The following MGAT4D variants were observed in gnomAD, a reference collection of about 807,000 sequenced individuals.
MGAT4D encodes alpha-1,3-mannosyl-glycoprotein 4-beta-N-acetylglucosaminyltransferase-like protein MGAT4D.
MGAT4D carries 34 observed loss-of-function variants against 15.9 expected under a neutral mutation model. The ratio of observed to expected loss-of-function variants is 2.14; its 90% confidence interval spans 1.62 to 2.84. The LOEUF (loss-of-function observed/expected upper bound fraction) is 2.84. Among genes scored for constraint, MGAT4D ranks in the 30% most tolerant of loss-of-function variants. The pLI is 0.00. For synonymous variants in MGAT4D, 112 were observed against 48.2 expected (o/e 2.33, Z -5.49); for missense variants, 327 against 140.2 (o/e 2.33, Z -6.73).
At chr4:140,447,017 A>T (rs1343812276) in intron 10 of MGAT4D, among the ~76,000 whole-genome samples, 7 of 151,420 alleles carry the variant, frequency 4.6e-5, no homozygotes, top group African/African-American at 1.7e-4. Context: ...TATGGTTTTG[A>T]GCAATTTTCT....
At chr4:140,481,060 C>A (rs1451773642) in intron 2 of MGAT4D, among the ~76,000 whole-genome samples, 1 of 152,152 alleles carries the variant, frequency 6.6e-6, no homozygotes, top group African/African-American at 2.4e-5. Context: ...GTAATTCCAG[C>A]ACTTTGGAAG....
chr4:140,473,913 G>T (rs1458477182), intron 4 of MGAT4D, among the ~76,000 whole-genome samples: 1 of 151,738 alleles, frequency 6.6e-6, no homozygotes, highest in Non-Finnish European at 1.5e-5. Flanking sequence ...TGTTGCCCAG[G>T]CTGATTTCAG....
intron 5 of MGAT4D, among the ~76,000 whole-genome samples, chr4:140,465,973 T>C (rs990935143): frequency 6.6e-6 from 1 of 152,224 alleles, no homozygotes; most frequent in Non-Finnish European, 1.5e-5. Flanking sequence ...ATGCACATCA[T>C]CATTAGTGAC....
At chr4:140,459,282 T>C (rs762348171) in intron 8 of MGAT4D, 33 of 228,320 alleles carry the variant, frequency 1.4e-4, no homozygotes, top group Non-Finnish European at 2.4e-4. Flanking sequence ...TTCTATGACT[T>C]ATGTGTCTAA....
intron 10 of MGAT4D, among the ~76,000 whole-genome samples, chr4:140,449,672 A>C (rs1730348546): frequency 6.6e-6 from 1 of 152,194 alleles, no homozygotes; most frequent in Non-Finnish European, 1.5e-5. Context: ...AGGCAGGAGA[A>C]TGGCGTGAAC....
intron 9 of MGAT4D, among the ~76,000 whole-genome samples, chr4:140,452,052 A>G (rs1485430637): frequency 6.6e-6 from 1 of 151,644 alleles, no homozygotes; most frequent in Non-Finnish European, 1.5e-5. Context: ...AAAAACAAAC[A>G]TTTGAAGGCC....
chr4:140,450,329 T>G (rs1018813130), intron 10 of MGAT4D, among the ~76,000 whole-genome samples: 1 of 152,180 alleles, frequency 6.6e-6, no homozygotes, highest in African/African-American at 2.4e-5. Context: ...CCAAAAAATA[T>G]AATGAAAGAA....
At position 140,459,555 on chromosome 4, in the gene MGAT4D, T is replaced by C; in HGVS notation, c.834A>G (p.Ser278=). 1 of 528,626 alleles carries C rather than the reference T, an allele frequency of 1.9e-6. No individual in the cohort carries two copies. The highest frequency in any genetic ancestry group is 3.4e-6 in the Non-Finnish European group (1 of 297,886). 32.7% of individuals were successfully genotyped at this position (528,626 alleles called of 1,614,324 possible). A position where few individuals can be genotyped will look rare whatever the true frequency, so the allele number is the denominator to read the frequency against. ...AAAACTCAATAAAAAACCAATTATT[T>C]GAACTGATATTACCTACAAAATCTG... is the stretch of plus-strand genomic sequence containing the variant. The part of the protein sequence containing the change: ...KITDFVGNIS[S]NNWFFIEFSM... The change falls in exon 8 of 11, where the codon TCA becomes TCG. Residue 278 remains serine (S), a synonymous_variant. Transcript: ENST00000511113.
intron 2 of MGAT4D, among the ~76,000 whole-genome samples, chr4:140,480,884 C>T (rs1732671773): frequency 6.6e-6 from 1 of 151,960 alleles, no homozygotes; most frequent in Non-Finnish European, 1.5e-5. Flanking sequence ...TGCAGTGAGC[C>T]ATGATTGTGC....
intron 1 of MGAT4D, among the ~76,000 whole-genome samples, chr4:140,484,694 C>T (rs1732980289): frequency 6.6e-6 from 1 of 151,984 alleles, no homozygotes; most frequent in Admixed American, 6.6e-5. Context: ...TGAACTCAAA[C>T]AAATTTACAA....
chr4:140,491,353 A>G (rs963693899), intron 1 of MGAT4D, among the ~76,000 whole-genome samples: 2 of 152,114 alleles, frequency 1.3e-5, no homozygotes, highest in African/African-American at 4.8e-5. Flanking sequence ...GATCCCCAAG[A>G]AATAAAGTTG....
chr4:140,487,548 T>G (rs1733224089), intron 1 of MGAT4D, among the ~76,000 whole-genome samples: 1 of 152,212 alleles, frequency 6.6e-6, no homozygotes, highest in Non-Finnish European at 1.5e-5. Flanking sequence ...TATATTTTAT[T>G]TAATACAATA....
chr4:140,457,339 A>G (rs1253695173), intron 8 of MGAT4D: 1 of 152,160 alleles, frequency 6.6e-6, no homozygotes, highest in Non-Finnish European at 1.5e-5. Flanking sequence ...AAAGTAAATA[A>G]TGTAAAATAC....
rs143355356 is a variant in MGAT4D at position 140,490,568 on chromosome 4, T to C, written c.94+7561A>G. ...AGCCAAAGTTCCTAAATCTTTTCCCTTGTCCTATGATTCCTTAAAACTTGG... is the reference window on the plus strand; with the variant it reads ...AGCCAAAGTTCCTAAATCTTTTCCCCTGTCCTATGATTCCTTAAAACTTGG... On this transcript the variant is annotated intron_variant, in intron 1 of 10. Coordinates refer to ENST00000511113, the MANE Select transcript of MGAT4D (RefSeq NM_001277353.2). Among the ~76,000 whole-genome samples the C allele has an allele frequency of 3.1e-3, 471 of 152,318 alleles. 5 individuals carry two copies. Among genetic ancestry groups the C allele is most frequent in the African/African-American group, 0.011 (444 of 41,558 alleles).
chr4:140,493,119 A>G (rs1733609244), intron 1 of MGAT4D, among the ~76,000 whole-genome samples: 1 of 152,128 alleles, frequency 6.6e-6, no homozygotes, highest in Non-Finnish European at 1.5e-5. Flanking sequence ...GAAGACATGT[A>G]ATACATAGGT....
chr4:140,484,812 T>C (rs551248351), intron 1 of MGAT4D, among the ~76,000 whole-genome samples: 6 of 152,290 alleles, frequency 3.9e-5, no homozygotes, highest in Admixed American at 1.3e-4. Flanking sequence ...TGCTCATCAT[T>C]ACTGGCCATC....
rs1301415427 is a variant in MGAT4D at position 140,482,460 on chromosome 4, G to C, written c.120C>G (p.Asn40Lys). 1 of 628,546 alleles carries C rather than the reference G, an allele frequency of 1.6e-6. No homozygotes were observed. The highest frequency in any genetic ancestry group is 2.8e-6 in the Non-Finnish European group (1 of 358,434). The allele number at this position is 628,546 out of a possible 1,614,324, so 38.9% of individuals were successfully genotyped here. ...QTNNQLINCR[N>K]HILEFKENML... ...TATTTTCTTTAAACTCCAAAATATG[G>C]TTTCTACAGTTAATTAATTGATTAT... The change falls in exon 2 of 11, where the codon AAC becomes AAG. Residue 40 changes from asparagine (N) to lysine (K), a missense_variant. By Grantham distance (94) the Asn-to-Lys change is moderately conservative (BLOSUM62 0). Coordinates refer to ENST00000511113, the MANE Select transcript of MGAT4D (RefSeq NM_001277353.2).
At chr4:140,493,657 G>A (rs770627027) in intron 1 of MGAT4D, among the ~76,000 whole-genome samples, 5 of 152,138 alleles carry the variant, frequency 3.3e-5, no homozygotes, top group Admixed American at 6.5e-5. Context: ...ATAAGATGCT[G>A]TTTAGTTTTC....
At chr4:140,482,606 TTA>T (rs1401421407) in intron 1 of MGAT4D, 121 bp from the exon 2 acceptor site, 1 of 450,040 alleles carries the variant, frequency 2.2e-6, no homozygotes, top group East Asian at 3.6e-5. Flanking sequence ...TATATATGTA[TTA>T]TATGTGTATA....
Sources: allele counts gnomAD v4.1 joint callset (sites outside exome capture counted in the v4.1 genomes callset), GRCh38; gene constraint gnomAD v4.1.1; transcripts MANE v1.5; gene names NCBI Gene and HGNC (gene_info 2026-07-23, HGNC 2026-07-21).